PEPD: variants seen among roughly 807,000 people sequenced by gnomAD.
PEPD encodes the protein peptidase D.
A neutral mutation model predicts 60.7 loss-of-function variants in PEPD; 53 were observed. That is an observed-to-expected ratio of 0.87 (90% CI 0.70 to 1.10). The LOEUF (loss-of-function observed/expected upper bound fraction) is 1.10. PEPD is among the 50% of genes least tolerant of loss of function. The probability of loss-of-function intolerance (pLI) is 0.00; values close to 1 mark genes in which losing one functional copy is unlikely to be tolerated. For missense variants in PEPD, 711 were observed against 711.9 expected, an observed-to-expected ratio of 1.00 and a Z score of 0.01; for synonymous variants, 267 against 284.1, an observed-to-expected ratio of 0.94 and a Z score of 0.60.
In PEPD at chr19:33,521,694, A is replaced by C. The variant is rs375517526; in HGVS notation, c.17+50T>G. 6.4e-4 allele frequency: 995 copies of C among 1,554,376 alleles called. 3 individuals carry two copies. In the African/African-American group the frequency reaches 0.01, roughly 16 times the overall value. On this transcript the variant is annotated intron_variant, in intron 1 of 14. Transcript: ENST00000244137. ...CACCCGCGGTCCGGCCGGGACACCC[A>C]TGCCCCTCTCCACGCCAGCGGGAAA... is the stretch of plus-strand genomic sequence containing the variant.
chr19:33,421,037 T>C (rs1969006234), intron 9 of PEPD, among the ~76,000 whole-genome samples: 1 of 152,222 alleles, frequency 6.6e-6, no homozygotes, highest in Non-Finnish European at 1.5e-5. Flanking sequence ...CCCTGGTTGG[T>C]TCTCACTGCT....
At chr19:33,431,136 G>C (rs1311008408) in intron 9 of PEPD, among the ~76,000 whole-genome samples, 2 of 135,742 alleles carry the variant, frequency 1.5e-5, no homozygotes, top group African/African-American at 2.7e-5. Flanking sequence ...GAGAGGAACA[G>C]AGAAAGGGAG....
chr19:33,424,370 G>T (rs73588214), intron 9 of PEPD, among the ~76,000 whole-genome samples: 3 of 152,226 alleles, frequency 2.0e-5, no homozygotes, highest in Non-Finnish European at 4.4e-5. Context: ...TTGAGCCAGC[G>T]AGGGAGCTCC....
chr19:33,408,218 C>G (rs190261869), intron 11 of PEPD, among the ~76,000 whole-genome samples: 1 of 152,356 alleles, frequency 6.6e-6, no homozygotes, highest in Admixed American at 6.5e-5. Flanking sequence ...GGGACGGGAG[C>G]TGTCTGAGAA....
At chr19:33,500,876 C>T (rs1268859564) in intron 4 of PEPD, 62 bp downstream of exon 4, 2 of 935,332 alleles carry the variant, frequency 2.1e-6, no homozygotes, top group Admixed American at 3.4e-5. Flanking sequence ...AGGAGAGGAA[C>T]TCCAGGAGTG....
At chr19:33,400,727 T>A (rs762505831) in intron 12 of PEPD, among the ~76,000 whole-genome samples, 1 of 152,134 alleles carries the variant, frequency 6.6e-6, no homozygotes, top group Non-Finnish European at 1.5e-5. Context: ...AGCAAGAACA[T>A]GAGAAGACCA....
chr19:33,469,242 T>C (rs761624242), intron 7 of PEPD, among the ~76,000 whole-genome samples: 36 of 152,180 alleles, frequency 2.4e-4, no homozygotes, highest in Non-Finnish European at 5.0e-4. Flanking sequence ...CTCAGCCCTG[T>C]GCCCACCCAT....
intron 9 of PEPD, among the ~76,000 whole-genome samples, chr19:33,444,423 C>T (rs868578195): frequency 9.9e-5 from 15 of 151,896 alleles, no homozygotes; most frequent in African/African-American, 3.1e-4. Context: ...GATACAGCCC[C>T]GGCTGTGTCC....
chr19:33,512,569 T>G (rs1462858131), intron 2 of PEPD, 24 bp downstream of exon 2: 1 of 1,610,146 alleles, frequency 6.2e-7, no homozygotes, highest in Non-Finnish European at 8.5e-7. Flanking sequence ...ACCTGCTCAC[T>G]TGTGGCCAAG....
At chr19:33,462,371 T>G (rs1969941323) in intron 9 of PEPD, among the ~76,000 whole-genome samples, 1 of 151,926 alleles carries the variant, frequency 6.6e-6, no homozygotes, top group Admixed American at 6.5e-5. Flanking sequence ...AGGACACGGG[T>G]GGGAAGGGAG....
chr19:33,413,030 C>A (rs1227791433), intron 10 of PEPD, among the ~76,000 whole-genome samples: 1 of 152,244 alleles, frequency 6.6e-6, no homozygotes, highest in African/African-American at 2.4e-5. Context: ...CCCAAGCGCA[C>A]ACACCCACAC....
rs893438808 is a variant in PEPD, at chr19:33,511,334, T to G, written c.202-179A>C. ...CTCCCCAGCTCATCCTCCCGTAGTT[T>G]GGCAGGGGGCAGCCTGGCAGCTCCT... On this transcript the variant is annotated intron_variant, in intron 2 of 14. Transcript: ENST00000244137. 7 of 646,512 alleles carry G rather than the reference T, an allele frequency of 1.1e-5. No homozygotes were observed. In the African/African-American group the frequency reaches 1.3e-4, roughly 12 times the overall value. 40.0% of individuals were successfully genotyped at this position (646,512 alleles called of 1,614,324 possible).
intron 13 of PEPD, among the ~76,000 whole-genome samples, chr19:33,389,701 T>C (rs1443689390): frequency 6.6e-6 from 1 of 152,184 alleles, no homozygotes; most frequent in African/African-American, 2.4e-5. Context: ...CAGGTTTGTT[T>C]CCCCAGAGAA....
chr19:33,504,659 T>C (rs573289766), intron 3 of PEPD, among the ~76,000 whole-genome samples: 6 of 151,980 alleles, frequency 3.9e-5, no homozygotes, highest in African/African-American at 1.4e-4. Context: ...CTCAGGAGGC[T>C]GAGGCAAGAG....
chr19:33,407,353 C>T (rs2145356820), intron 11 of PEPD, among the ~76,000 whole-genome samples: 1 of 152,342 alleles, frequency 6.6e-6, no homozygotes, highest in East Asian at 1.9e-4. Context: ...CCTGCCCTAG[C>T]TGCGAAGCTT....
chr19:33,498,014 T>C (rs1421150283), intron 4 of PEPD, among the ~76,000 whole-genome samples: 1 of 151,968 alleles, frequency 6.6e-6, no homozygotes, highest in Admixed American at 6.5e-5. Context: ...CTCATATCTA[T>C]GAACGGGGTG....
chr19:33,405,106 C>T (rs1600088435), intron 11 of PEPD, among the ~76,000 whole-genome samples: 1 of 152,336 alleles, frequency 6.6e-6, no homozygotes. Context: ...GATGCATCTC[C>T]AAACAACGTG....
chr19:33,507,044 G>A (rs907150834), intron 3 of PEPD, among the ~76,000 whole-genome samples: 2 of 150,466 alleles, frequency 1.3e-5, no homozygotes, highest in African/African-American at 4.9e-5. Flanking sequence ...CACTCCATAT[G>A]CACACACAGC....
chr19:33,512,805 A>C, intron 1 of PEPD, 29 bp from the exon 2 acceptor site: 1 of 1,612,852 alleles, frequency 6.2e-7, no homozygotes, highest in African/African-American at 1.3e-5. Context: ...ACACCGCCAC[A>C]CAGGCCTCTG....
Sources: allele counts gnomAD v4.1 joint callset (sites outside exome capture counted in the v4.1 genomes callset), GRCh38; gene constraint gnomAD v4.1.1; transcripts MANE v1.5; gene names NCBI Gene and HGNC (gene_info 2026-07-23, HGNC 2026-07-21).